The following CRPPA variants were observed in gnomAD, a reference collection of about 807,000 sequenced individuals.
The protein encoded by CRPPA is CDP-L-ribitol pyrophosphorylase A, also known as D-ribitol-5-phosphate cytidylyltransferase.
CRPPA carries 43 observed loss-of-function variants against 52.0 expected under a neutral mutation model. The ratio of observed to expected loss-of-function variants is 0.83; its 90% CI spans 0.65 to 1.07. The LOEUF (loss-of-function observed/expected upper bound fraction) is 1.07, where lower values mean the gene tolerates loss of function less well. CRPPA is among the 50% of genes least tolerant of loss of function. CRPPA has a pLI of 0.00. For missense variants in CRPPA, 629 were observed against 551.7 expected, an observed-to-expected ratio of 1.14 and a Z score of -1.40; for synonymous variants, 250 against 203.5, an observed-to-expected ratio of 1.23 and a Z score of -1.94.
chr7:16,307,742 A>T (rs1410857962), intron 4 of CRPPA, among the ~76,000 whole-genome samples: 1 of 151,480 alleles, frequency 6.6e-6, no homozygotes, highest in Non-Finnish European at 1.5e-5. Flanking sequence ...CTGCCACAGG[A>T]AACAGTCTAA....
intron 9 of CRPPA, among the ~76,000 whole-genome samples, chr7:16,166,988 G>C (rs796555816): frequency 1.5e-4 from 22 of 150,682 alleles, no homozygotes; most frequent in African/African-American, 5.4e-4. Flanking sequence ...GAGTGCAGTG[G>C]TGCGATCTCC....
chr7:16,358,986 A>C (rs1340400409), intron 3 of CRPPA, among the ~76,000 whole-genome samples: 1 of 152,232 alleles, frequency 6.6e-6, no homozygotes, highest in Admixed American at 6.5e-5. Flanking sequence ...ATAATGTCTA[A>C]GTTCTTGTTG....
intron 2 of CRPPA, among the ~76,000 whole-genome samples, chr7:16,381,885 C>T (rs139268746): frequency 6.6e-6 from 1 of 152,032 alleles, no homozygotes. Context: ...CTATGTGTGT[C>T]TCTGCACATG....
At chr7:16,221,534 A>C (rs1782504173) in intron 8 of CRPPA, among the ~76,000 whole-genome samples, 1 of 152,174 alleles carries the variant, frequency 6.6e-6, no homozygotes, top group South Asian at 2.1e-4. Flanking sequence ...GAAGATTTTC[A>C]CAACCTACTC....
At chr7:16,223,990 A>G (rs113934026) in intron 8 of CRPPA, among the ~76,000 whole-genome samples, 38 of 152,260 alleles carry the variant, frequency 2.5e-4, no homozygotes, top group African/African-American at 8.7e-4. Flanking sequence ...ACATATACAT[A>G]AAAAAGATAA....
chr7:16,421,214 C>G lies in CRPPA; in HGVS notation c.109G>C (p.Gly37Arg), dbSNP rs1380153633. Reference protein sequence around the residue: ...TASASLQSVAGTEPGRHPQAV... With the variant: ...TASASLQSVARTEPGRHPQAV... The stretch of plus-strand genomic sequence containing the variant: ...TGCGGGTGGCGCCCGGGCTCGGTCC[C>G]GGCCACGCTCTGCAGGGAGGCGGAA... Residue 37 changes from glycine (G) to arginine (R), a missense_variant, in exon 1 of 10, where the codon GGG (glycine) becomes CGG (arginine). Coordinates refer to ENST00000407010, the MANE Select transcript of CRPPA (RefSeq NM_001101426.4). 3 of 1,342,840 alleles carry G rather than the reference C, an allele frequency of 2.2e-6. No homozygotes were observed. Among genetic ancestry groups the G allele is most frequent in the Admixed American group, 3.7e-5 (1 of 26,908 alleles). 83.2% of individuals were successfully genotyped at this position (1,342,840 alleles called of 1,614,324 possible). A position where few individuals can be genotyped will look rare whatever the true frequency, so the allele number is the denominator to read the frequency against.
At chr7:16,096,051 C>A (rs921105249) in intron 9 of CRPPA, among the ~76,000 whole-genome samples, 7 of 152,110 alleles carry the variant, frequency 4.6e-5, no homozygotes, top group African/African-American at 1.7e-4. Flanking sequence ...ATCTGAAAAG[C>A]CATGACTACA....
At chr7:16,395,211 A>T (rs1278439889) in intron 2 of CRPPA, among the ~76,000 whole-genome samples, 2 of 152,154 alleles carry the variant, frequency 1.3e-5, no homozygotes, top group African/African-American at 4.8e-5. Context: ...CTCTCAAGCT[A>T]ATCTATCACC....
chr7:16,283,228 A>G (rs1039196137), intron 5 of CRPPA, among the ~76,000 whole-genome samples: 2 of 150,812 alleles, frequency 1.3e-5, no homozygotes, highest in African/African-American at 2.4e-5. Flanking sequence ...ATATGTATAA[A>G]TAGATAGGAT....
chr7:16,260,909 A>G (rs770099910), intron 6 of CRPPA, among the ~76,000 whole-genome samples: 8 of 152,120 alleles, frequency 5.3e-5, no homozygotes, highest in Non-Finnish European at 5.9e-5. Flanking sequence ...AAAAACAAAA[A>G]CAAAACTTTG....
chr7:16,160,126 C>T (rs537166485), intron 9 of CRPPA, among the ~76,000 whole-genome samples: 6 of 152,248 alleles, frequency 3.9e-5, no homozygotes, highest in Admixed American at 2.6e-4. Flanking sequence ...TGCCTGTTCA[C>T]TCTGATGATA....
chr7:16,152,316 T>C (rs967527480), intron 9 of CRPPA, among the ~76,000 whole-genome samples: 3 of 151,982 alleles, frequency 2.0e-5, no homozygotes, highest in African/African-American at 7.2e-5. Context: ...ATATACTTTA[T>C]ATGAATTTAT....
chr7:16,220,741 T>A (rs1782476336), intron 8 of CRPPA, among the ~76,000 whole-genome samples: 2 of 150,534 alleles, frequency 1.3e-5, no homozygotes, highest in African/African-American at 4.9e-5. Flanking sequence ...TTACAAGGGA[T>A]GTGAAGGACC....
intron 3 of CRPPA, among the ~76,000 whole-genome samples, chr7:16,352,317 G>A (rs977287555): frequency 4.4e-4 from 66 of 151,702 alleles, no homozygotes; most frequent in African/African-American, 1.4e-3. Context: ...CTTAGATGGC[G>A]GGTTGATAGG....
chr7:16,379,497 T>G (rs1201558199), intron 2 of CRPPA, among the ~76,000 whole-genome samples: 1 of 152,192 alleles, frequency 6.6e-6, no homozygotes, highest in African/African-American at 2.4e-5. Context: ...CCACATGAAC[T>G]TTAAAGTAGT....
rs533509064 is a variant in CRPPA, at chr7:16,303,370, TA to T, written c.790-1905del. Among the ~76,000 whole-genome samples, 14 of 149,412 alleles carry T rather than the reference TA, an allele frequency of 9.4e-5. No individual in the cohort carries two copies. The East Asian group carries it at 2.8e-3, about 30-fold the overall frequency. On this transcript the variant is annotated intron_variant, in intron 4 of 9. Transcript: ENST00000407010. Reference sequence around the variant, plus strand: ...TCTAGTAGTTAGCTAATCTGGAGGATAAAAATTCCAATTTCATAGGCACGGT... The same window carrying T: ...TCTAGTAGTTAGCTAATCTGGAGGATAAAATTCCAATTTCATAGGCACGGT...
rs148063987 is a variant in CRPPA, at chr7:16,103,059, T to C, written c.1252-11260A>G. On this transcript the variant is annotated intron_variant, in intron 9 of 9. Transcript: ENST00000407010. ...AGGAAAGACTTGGAACCAACCCAGATGCCCATCAATTATAGACTGGATAAA... is the reference window on the plus strand; with the variant it reads ...AGGAAAGACTTGGAACCAACCCAGACGCCCATCAATTATAGACTGGATAAA... Among the ~76,000 whole-genome samples, 312 of 152,322 alleles carry C rather than the reference T, an allele frequency of 2.0e-3. No homozygotes were observed. In the East Asian group the frequency reaches 0.028, roughly 14 times the overall value.
intron 1 of CRPPA, among the ~76,000 whole-genome samples, chr7:16,408,660 T>C (rs937806497): frequency 1.3e-5 from 2 of 152,234 alleles, no homozygotes; most frequent in African/African-American, 4.8e-5. Flanking sequence ...CCCAGAAAGA[T>C]GTGCACTTTC....
chr7:16,211,795 G>A (rs530371011), intron 9 of CRPPA, among the ~76,000 whole-genome samples: 1 of 152,088 alleles, frequency 6.6e-6, no homozygotes, highest in Non-Finnish European at 1.5e-5. Flanking sequence ...GTTGACCTAA[G>A]GTAATTACAA....
Sources: gnomAD v4.1 joint callset for allele counts (sites outside exome capture counted in the v4.1 genomes callset) on GRCh38, gnomAD v4.1.1 for gene constraint, MANE v1.5 for transcripts, NCBI Gene and HGNC (gene_info 2026-07-23, HGNC 2026-07-21) for gene names.